MSH6: variants seen among roughly 807,000 people sequenced by gnomAD.
MSH6 encodes DNA mismatch repair protein Msh6.
A neutral mutation model predicts 119.1 loss-of-function variants in MSH6; 85 were observed. The observed-to-expected ratio is 0.71, with a 90% CI of 0.60 to 0.85. The LOEUF is 0.85. Among genes scored for constraint, MSH6 ranks in the 40% least tolerant of loss-of-function variants. The pLI is 0.00. For synonymous variants in MSH6, 830 were observed against 586.9 expected (o/e 1.41, Z -5.99); for missense variants, 2,163 against 1,655.3 (o/e 1.31, Z -5.32).
intron 1 of MSH6, among the ~76,000 whole-genome samples, chr2:47,785,848 C>T (rs1668318499): frequency 6.6e-6 from 1 of 152,108 alleles, no homozygotes; most frequent in Non-Finnish European, 1.5e-5. Context: ...TTATTTGTTT[C>T]TTGAGGTTGA....
chr2:47,784,261 G>T (rs1389744741), intron 1 of MSH6: 12 of 993,660 alleles, frequency 1.2e-5, no homozygotes, highest in Non-Finnish European at 1.3e-5. Context: ...CACGTGCACC[G>T]AGACGAAGAT....
intron 1 of MSH6, among the ~76,000 whole-genome samples, chr2:47,788,246 CTTTTT>C (rs560110301): frequency 3.3e-5 from 3 of 90,050 alleles, no homozygotes; most frequent in African/African-American, 1.4e-4. Context: ...TTCTTTCTTT[CTTTTT>C]TTTTTTTTTT....
chr2:47,783,171 G>T lies in MSH6; in HGVS notation c.-63G>T, dbSNP rs1668102693. 1.9e-6 allele frequency: 3 copies of T among 1,596,580 alleles called. No homozygotes were observed. The highest frequency in any genetic ancestry group is 1.4e-5 in the African/African-American group (1 of 72,898). On this transcript the variant is annotated 5_prime_UTR_variant, in exon 1 of 10. Coordinates refer to ENST00000234420, the MANE Select transcript of MSH6 (RefSeq NM_000179.3). ...GATTTCCCGCCAGCAGGAGCCGCGC[G>T]GTAGATGCGGTGCTTTTAGGAGCTC...
chr2:47,788,380 G>A (rs1461135231), intron 1 of MSH6, among the ~76,000 whole-genome samples: 1 of 147,102 alleles, frequency 6.8e-6, no homozygotes, highest in Non-Finnish European at 1.5e-5. Flanking sequence ...TCAGCCTCCC[G>A]AGTAGCTGGG....
At chr2:47,803,280 T>C in intron 4 of MSH6, 140 bp from the exon 5 acceptor site, 1 of 1,187,008 alleles carries the variant, frequency 8.4e-7, no homozygotes. Context: ...GGGTAAGTAT[T>C]TTGATGGGGG....
downstream of MSH6, chr2:47,810,088 T>C: frequency 4.0e-6 from 2 of 503,820 alleles, no homozygotes; most frequent in Non-Finnish European, 7.0e-6. Context: ...CCAATAAATG[T>C]TTCATAATCA....
In MSH6 at chr2:47,803,791, G is replaced by C. The variant is rs527804064; in HGVS notation, c.3438+106G>C. 4.6e-6 allele frequency: 6 copies of C among 1,313,764 alleles called. No homozygotes were observed. In the East Asian group the frequency reaches 1.4e-4, roughly 30 times the overall value. The allele number at this position is 1,313,764 out of a possible 1,614,324, so 81.4% of individuals were successfully genotyped here. A position where few individuals can be genotyped will look rare whatever the true frequency, so the allele number is the denominator to read the frequency against. ...CACAGTTACATAAAAGTCAGCCAGT[G>C]ACTTAATAGGAAGCAAAGGGAAATT... is the stretch of plus-strand genomic sequence containing the variant. On this transcript the variant is annotated intron_variant, in intron 5 of 9. Transcript: ENST00000234420.
chr2:47,809,713 G>A (rs780952250), downstream of MSH6: 5 of 1,597,584 alleles, frequency 3.1e-6, no homozygotes, highest in Non-Finnish European at 4.3e-6. Context: ...AATACCTGAA[G>A]TAAAATTTAC....
intron 1 of MSH6, among the ~76,000 whole-genome samples, chr2:47,788,907 C>G (rs13035849): frequency 1.3e-3 from 23 of 17,290 alleles, no homozygotes; most frequent in African/African-American, 4.5e-3. Context: ...TTTCTTCTTC[C>G]TTTTTTTTTT....
chr2:47,809,004 C>G, downstream of MSH6: 1 of 537,824 alleles, frequency 1.9e-6, no homozygotes, highest in Non-Finnish European at 3.3e-6. Flanking sequence ...CCCACAGTTA[C>G]AGTCTTAAAC....
rs370412074 is a variant in MSH6 at position 47,800,562 on chromosome 2, C to T, written c.2579C>T (p.Ser860Phe). The T allele has an allele frequency of 6.2e-7, 1 of 1,613,536 alleles. No homozygotes were observed. The highest frequency in any genetic ancestry group is 8.5e-7 in the Non-Finnish European group (1 of 1,179,906). ...AAGAAGAAGATTATTGATTTTCTTT[C>T]TGCTCTGGAAGGATTCAAAGTAATG... ...YSKKKIIDFL[S>F]ALEGFKVMCK... is the part of the protein sequence containing the mutation. The change falls in exon 4 of 10, where the codon TCT becomes TTT. Residue 860 changes from serine (S) to phenylalanine (F), a missense_variant. By Grantham distance (155) the Ser-to-Phe change is radical. Transcript: ENST00000234420.
At position 47,783,197 on chromosome 2, in the gene MSH6, C is replaced by A. The variant is rs747521149; in HGVS notation, c.-37C>A. 9 of 1,609,346 alleles carry A rather than the reference C, an allele frequency of 5.6e-6. No homozygotes were observed. The highest frequency in any genetic ancestry group is 7.6e-6 in the Non-Finnish European group (9 of 1,178,766). ...GTAGATGCGGTGCTTTTAGGAGCTC[C>A]GTCCGACAGAACGGTTGGGCCTTGC... is the stretch of plus-strand genomic sequence containing the variant. On this transcript the variant is annotated 5_prime_UTR_variant, in exon 1 of 10. Transcript: ENST00000234420.
chr2:47,794,617 T>G (rs912468508), intron 2 of MSH6, among the ~76,000 whole-genome samples: 1 of 151,988 alleles, frequency 6.6e-6, no homozygotes, highest in African/African-American at 2.4e-5. Context: ...GAAATAAATT[T>G]TAACGCGTTG....
chr2:47,804,425 ATAG>A (rs1365578246), intron 5 of MSH6, among the ~76,000 whole-genome samples: 1 of 152,150 alleles, frequency 6.6e-6, no homozygotes, highest in African/African-American at 2.4e-5. Context: ...CTCCTGCATT[ATAG>A]TATACTTCTG....
At position 47,806,354 on chromosome 2, in the gene MSH6, A is replaced by G. The variant is rs760023025; in HGVS notation, c.3797A>G (p.His1266Arg). Reference protein sequence around the residue: ...YSQNVAVRLGHMACMVENECE... With the variant: ...YSQNVAVRLGRMACMVENECE... The stretch of plus-strand genomic sequence containing the variant: ...CAAAATGTTGCTGTGCGCCTAGGAC[A>G]TATGGTATGTGCAAATTGTTTTTTT... Residue 1266 changes from histidine (H) to arginine (R), a missense_variant, in exon 8 of 10, where the codon CAT becomes CGT. Transcript: ENST00000234420. 2.5e-6 allele frequency: 4 copies of G among 1,614,146 alleles called. No homozygotes were observed. Among genetic ancestry groups the G allele is most frequent in the Non-Finnish European group, 3.4e-6 (4 of 1,180,008 alleles).
At position 47,800,935 on chromosome 2, in the gene MSH6, T is replaced by C. The variant is rs2104432677; in HGVS notation, c.2952T>C (p.Asn984=). 1.3e-6 allele frequency: 2 copies of C among 1,577,064 alleles called. No individual in the cohort carries two copies. The highest frequency in any genetic ancestry group is 1.7e-6 in the Non-Finnish European group (2 of 1,163,110). The part of the protein sequence containing the change: ...RNRYQLEIPE[N]FTTRNLPEEY... ...GTTACCAGCTGGAAATTCCTGAGAA[T>C]TTCACCACTCGCAATTTGCCAGAAG... is the stretch of plus-strand genomic sequence containing the variant. Residue 984 remains asparagine, a synonymous_variant, in exon 4 of 10, where the codon AAT becomes AAC. Coordinates refer to ENST00000234420, the MANE Select transcript of MSH6 (RefSeq NM_000179.3).
At chr2:47,802,052 A>C (rs1669633021) in intron 4 of MSH6, among the ~76,000 whole-genome samples, 1 of 152,240 alleles carries the variant, frequency 6.6e-6, no homozygotes, top group Non-Finnish European at 1.5e-5. Context: ...ATACTGTTTC[A>C]AGGTGCTTTG....
chr2:47,806,011 TTCTTTAAAAGAAACCTC>T (rs1306616466), intron 7 of MSH6, among the ~76,000 whole-genome samples, 176 bp from the exon 8 acceptor site: 1 of 152,208 alleles, frequency 6.6e-6, no homozygotes, highest in Non-Finnish European at 1.5e-5. Flanking sequence ...ATACTGTATT[TTCTTTAAAAGAAACCTC>T]ACTCCCCATG....
rs1306282819 is a variant in MSH6 at position 47,783,201 on chromosome 2, C to A, written c.-33C>A. On this transcript the variant is annotated 5_prime_UTR_variant, in exon 1 of 10. Coordinates refer to ENST00000234420, the MANE Select transcript of MSH6 (RefSeq NM_000179.3). Reference sequence around the variant, plus strand: ...ATGCGGTGCTTTTAGGAGCTCCGTCCGACAGAACGGTTGGGCCTTGCCGGC... The same window carrying A: ...ATGCGGTGCTTTTAGGAGCTCCGTCAGACAGAACGGTTGGGCCTTGCCGGC... 1 of 1,609,732 alleles carries A rather than the reference C, an allele frequency of 6.2e-7. No individual in the cohort carries two copies. Among genetic ancestry groups the A allele is most frequent in the Non-Finnish European group, 8.5e-7 (1 of 1,178,922 alleles).
Sources: allele counts gnomAD v4.1 joint callset (sites outside exome capture counted in the v4.1 genomes callset), GRCh38; gene constraint gnomAD v4.1.1; transcripts MANE v1.5; gene names NCBI Gene and HGNC (gene_info 2026-07-23, HGNC 2026-07-21).